Variants in UBE2G1 observed in about 807,000 individuals in gnomAD.
UBE2G1 encodes the protein ubiquitin-conjugating enzyme E2 G1.
A neutral mutation model predicts 22.7 loss-of-function variants in UBE2G1; 5 were observed. The ratio of observed to expected loss-of-function variants is 0.22; its 90% confidence interval spans 0.12 to 0.46. The LOEUF is 0.46. Among genes scored for constraint, UBE2G1 ranks in the 20% least tolerant of loss-of-function variants. The pLI is 0.99. For synonymous variants in UBE2G1, 74 were observed against 67.5 expected, an observed-to-expected ratio of 1.10 and a Z score of -0.47; for missense variants, 88 against 203.9, an observed-to-expected ratio of 0.43 and a Z score of 3.46.
chr17:4,319,413 G>A (rs1015397109), intron 1 of UBE2G1, among the ~76,000 whole-genome samples: 2 of 152,156 alleles, frequency 1.3e-5, no homozygotes, highest in Non-Finnish European at 2.9e-5. Flanking sequence ...GAAGAAATAC[G>A]GAATCCTGAA....
intron 1 of UBE2G1, among the ~76,000 whole-genome samples, chr17:4,360,279 A>T (rs1969952310): frequency 6.6e-6 from 1 of 152,206 alleles, no homozygotes; most frequent in East Asian, 1.9e-4. Flanking sequence ...GAAATGCCAA[A>T]TTATTTATCC....
chr17:4,356,846 T>G (rs1011806465), intron 1 of UBE2G1, among the ~76,000 whole-genome samples: 1 of 152,188 alleles, frequency 6.6e-6, no homozygotes, highest in Non-Finnish European at 1.5e-5. Context: ...GTTCTTTATT[T>G]GAAAAAGGAT....
chr17:4,350,894 A>G (rs1235589903), intron 1 of UBE2G1, among the ~76,000 whole-genome samples: 1 of 151,882 alleles, frequency 6.6e-6, no homozygotes, highest in Non-Finnish European at 1.5e-5. Flanking sequence ...CTAGCCGGGC[A>G]TGGTGGCAGG....
At chr17:4,328,794 T>C (rs1284234168) in intron 1 of UBE2G1, among the ~76,000 whole-genome samples, 11 of 152,150 alleles carry the variant, frequency 7.2e-5, no homozygotes, top group Non-Finnish European at 1.2e-4. Flanking sequence ...ACTAACAACA[T>C]GACAATGGTG....
At chr17:4,342,101 C>T (rs1969718923) in intron 1 of UBE2G1, among the ~76,000 whole-genome samples, 1 of 152,238 alleles carries the variant, frequency 6.6e-6, no homozygotes, top group Non-Finnish European at 1.5e-5. Flanking sequence ...GCTAAACCTC[C>T]TCACTGAATT....
intron 1 of UBE2G1, among the ~76,000 whole-genome samples, chr17:4,355,891 G>A (rs1969900828): frequency 6.8e-6 from 1 of 147,700 alleles, no homozygotes; most frequent in African/African-American, 2.5e-5. Context: ...GTAGAGATGG[G>A]GTTTCTCCAT....
intron 1 of UBE2G1, among the ~76,000 whole-genome samples, chr17:4,310,863 A>C (rs557810965): frequency 2.0e-5 from 3 of 152,174 alleles, no homozygotes; most frequent in Non-Finnish European, 4.4e-5. Context: ...TTAGAAGAGA[A>C]TCAATCAACC....
intron 1 of UBE2G1, among the ~76,000 whole-genome samples, chr17:4,340,800 G>A (rs1443360455): frequency 6.7e-6 from 1 of 148,780 alleles, no homozygotes; most frequent in African/African-American, 2.5e-5. Context: ...TAGAGATGGG[G>A]TCTCACAATG....
At chr17:4,348,242 A>G (rs1487026502) in intron 1 of UBE2G1, among the ~76,000 whole-genome samples, 1 of 152,116 alleles carries the variant, frequency 6.6e-6, no homozygotes, top group Non-Finnish European at 1.5e-5. Flanking sequence ...TAGGTGACAG[A>G]GCAAGACCCT....
intron 3 of UBE2G1, among the ~76,000 whole-genome samples, chr17:4,296,046 T>A (rs1027588554): frequency 1.6e-4 from 24 of 151,396 alleles, no homozygotes; most frequent in Admixed American, 3.3e-4. Flanking sequence ...AAAAATAATA[T>A]GAAAAACTAT....
chr17:4,349,856 A>T (rs1211863843), intron 1 of UBE2G1, among the ~76,000 whole-genome samples: 1 of 151,786 alleles, frequency 6.6e-6, no homozygotes, highest in East Asian at 1.9e-4. Flanking sequence ...AAAAAAAAAA[A>T]TTACATTTAA....
At chr17:4,312,160 A>G (rs1969317499) in intron 1 of UBE2G1, among the ~76,000 whole-genome samples, 1 of 150,820 alleles carries the variant, frequency 6.6e-6, no homozygotes, top group South Asian at 2.1e-4. Flanking sequence ...GAATCGCTTG[A>G]ACCCAGGAGG....
intron 1 of UBE2G1, among the ~76,000 whole-genome samples, chr17:4,317,692 A>G (rs1428442305): frequency 1.3e-5 from 2 of 152,212 alleles, no homozygotes; most frequent in African/African-American, 4.8e-5. Context: ...ACATTCCTAA[A>G]ATAACACTTA....
intron 1 of UBE2G1, among the ~76,000 whole-genome samples, chr17:4,329,732 T>C (rs557075033): frequency 6.6e-6 from 1 of 152,328 alleles, no homozygotes; most frequent in African/African-American, 2.4e-5. Flanking sequence ...GATGTATTTT[T>C]TGTAACCAAT....
chr17:4,288,508 G>T (rs1968997440), intron 4 of UBE2G1, among the ~76,000 whole-genome samples: 1 of 152,086 alleles, frequency 6.6e-6, no homozygotes. Context: ...TTACAGTTGT[G>T]AGCCACCGTG....
chr17:4,273,450 C>T (rs1324547046), intron 5 of UBE2G1, among the ~76,000 whole-genome samples: 1 of 152,148 alleles, frequency 6.6e-6, no homozygotes, highest in Non-Finnish European at 1.5e-5. Context: ...AAGTGATCTT[C>T]ACACCTCAGC....
chr17:4,283,360 C>A (rs2053258), intron 4 of UBE2G1, among the ~76,000 whole-genome samples: 5,157 of 152,038 alleles, frequency 0.034, 325 homozygotes, highest in African/African-American at 0.12. Flanking sequence ...ATTAGCCAGG[C>A]GTGGTGGCAC....
intron 3 of UBE2G1, among the ~76,000 whole-genome samples, chr17:4,296,198 G>C (rs189937461): frequency 7.9e-5 from 12 of 151,734 alleles, no homozygotes; most frequent in African/African-American, 2.2e-4. Flanking sequence ...TTTAAAACAC[G>C]AGTCTCAAAC....
Position 4,289,132 on chromosome 17 carries a change from C to T in UBE2G1, c.426+98G>A, listed in dbSNP as rs551928521. ...ACACACACACACACACACACACACGCATGCATACATTCATGCATACTTACA... is the reference window on the plus strand; with the variant it reads ...ACACACACACACACACACACACACGTATGCATACATTCATGCATACTTACA... On this transcript the variant is annotated intron_variant, in intron 4 of 5. Transcript: ENST00000396981. 7.1e-5 allele frequency: 70 copies of T among 990,510 alleles called. No homozygotes were observed. In the African/African-American group the frequency reaches 1.1e-3, roughly 15 times the overall value. The allele number at this position is 990,510 out of a possible 1,614,324, so 61.4% of individuals were successfully genotyped here.
Sources: gnomAD v4.1 joint callset for allele counts (sites outside exome capture counted in the v4.1 genomes callset) on GRCh38, gnomAD v4.1.1 for gene constraint, MANE v1.5 for transcripts, NCBI Gene and HGNC (gene_info 2026-07-23, HGNC 2026-07-21) for gene names.